RTL4: variants seen among roughly 807,000 people sequenced by gnomAD.
RTL4 encodes the protein retrotransposon Gag like 4.
A neutral mutation model predicts 5.3 loss-of-function variants in RTL4; 4 were observed. That is an observed-to-expected ratio of 0.75 (90% CI 0.37 to 1.72). RTL4 has a LOEUF of 1.72. Among genes scored for constraint, RTL4 ranks in the 40% most tolerant of loss-of-function variants. The pLI, the probability that RTL4 is intolerant of heterozygous loss-of-function variation, is 0.04. For synonymous variants in RTL4, 98 were observed against 87.3 expected (o/e 1.12, Z -0.68); for missense variants, 260 against 227.1 (o/e 1.14, Z -0.93).
At chrX:112,169,935 A>T in the RTL4 span, among the ~76,000 whole-genome samples, 14 of 112,099 alleles carry the variant, frequency 1.2e-4, no homozygotes, top group South Asian at 3.7e-4. Flanking sequence ...TGCATTAGGT[A>T]CTTTAAGAAA....
the RTL4 span, among the ~76,000 whole-genome samples, chrX:112,436,360 C>T: frequency 9.0e-6 from 1 of 110,617 alleles, no homozygotes; most frequent in Admixed American, 9.6e-5. Flanking sequence ...AAGGCATAGA[C>T]ACTTGGGGAA....
chrX:112,308,579 T>A, the RTL4 span, among the ~76,000 whole-genome samples: 1 of 111,716 alleles, frequency 9.0e-6, no homozygotes, highest in Non-Finnish European at 1.9e-5. Context: ...CCTTTCCTTT[T>A]TTTCTGGATA....
At chrX:112,445,182 T>TGAA in the RTL4 span, among the ~76,000 whole-genome samples, 57,472 of 109,500 alleles carry the variant, frequency 0.52, 12,210 homozygotes, top group African/African-American at 0.79. Context: ...GTGACGGGTG[T>TGAA]GAAGGGAGCT....
chrX:112,117,712 G>T, the RTL4 span, among the ~76,000 whole-genome samples: 1 of 111,657 alleles, frequency 9.0e-6, no homozygotes, highest in Non-Finnish European at 1.9e-5. Flanking sequence ...AAATGGGCAC[G>T]TGTACAATTA....
chrX:112,322,790 A>G, the RTL4 span, among the ~76,000 whole-genome samples: 4 of 111,759 alleles, frequency 3.6e-5, no homozygotes, highest in African/African-American at 1.3e-4. Flanking sequence ...GGGTTGTACT[A>G]TGCATACTTT....
the RTL4 span, among the ~76,000 whole-genome samples, chrX:112,326,036 A>T: frequency 1.8e-5 from 2 of 112,371 alleles, no homozygotes; most frequent in Admixed American, 1.9e-4. Flanking sequence ...GCCAACAGAC[A>T]CATGAAAAAA....
At chrX:112,311,006 C>G in the RTL4 span, among the ~76,000 whole-genome samples, 1 of 105,382 alleles carries the variant, frequency 9.5e-6, no homozygotes, top group South Asian at 4.0e-4. Flanking sequence ...TTTTCATTCT[C>G]TTCTGCAAAG....
chrX:112,090,824 C>T, the RTL4 span, among the ~76,000 whole-genome samples: 1 of 110,912 alleles, frequency 9.0e-6, no homozygotes, highest in Non-Finnish European at 1.9e-5. Context: ...ACAAGAATTG[C>T]TGTTAATTAT....
the RTL4 span, among the ~76,000 whole-genome samples, chrX:112,190,059 A>G: frequency 8.9e-6 from 1 of 112,460 alleles, no homozygotes; most frequent in African/African-American, 3.2e-5. Flanking sequence ...CAGTAATGCG[A>G]TAATGCATCT....
At chrX:112,190,148 CTT>C in the RTL4 span, among the ~76,000 whole-genome samples, 1 of 57,705 alleles carries the variant, frequency 1.7e-5, no homozygotes, top group South Asian at 7.3e-4. Flanking sequence ...CCCTTTCTTT[CTT>C]TCTTTCTTTC....
chrX:112,180,435 AC>A, the RTL4 span, among the ~76,000 whole-genome samples: 118 of 111,994 alleles, frequency 1.1e-3, no homozygotes, highest in African/African-American at 3.7e-3. Context: ...CTGTGATACA[AC>A]CTTTTCTCTA....
the RTL4 span, among the ~76,000 whole-genome samples, chrX:112,099,936 A>G: frequency 8.9e-6 from 1 of 111,799 alleles, no homozygotes; most frequent in Non-Finnish European, 1.9e-5. Flanking sequence ...AGAGTGAGGC[A>G]GAAAGAAAAA....
At chrX:112,373,297 A>G in the RTL4 span, among the ~76,000 whole-genome samples, 1 of 111,307 alleles carries the variant, frequency 9.0e-6, no homozygotes, top group Non-Finnish European at 1.9e-5. Flanking sequence ...CAGTATCATC[A>G]TCTGCTGTTG....
At chrX:112,406,635 C>G in the RTL4 span, among the ~76,000 whole-genome samples, 2 of 110,927 alleles carry the variant, frequency 1.8e-5, no homozygotes, top group African/African-American at 3.3e-5. Flanking sequence ...AGCCAGAGAA[C>G]TGGGGGAAAT....
At chrX:112,212,932 T>A in the RTL4 span, among the ~76,000 whole-genome samples, 1 of 112,387 alleles carries the variant, frequency 8.9e-6, no homozygotes, top group South Asian at 3.7e-4. Context: ...AGAGGCTGAC[T>A]GCCACCCCCG....
chrX:112,326,429 TAC>T, the RTL4 span, among the ~76,000 whole-genome samples: 7 of 111,576 alleles, frequency 6.3e-5, no homozygotes, highest in African/African-American at 2.3e-4. Flanking sequence ...TCCACCCGAA[TAC>T]TGCGCTTTTC....
chrX:112,313,296 A>C, the RTL4 span, among the ~76,000 whole-genome samples: 1 of 111,465 alleles, frequency 9.0e-6, no homozygotes, highest in Non-Finnish European at 1.9e-5. Flanking sequence ...AAAACAAAAC[A>C]AAACAAAACC....
chrX:112,288,044 G>T, the RTL4 span, among the ~76,000 whole-genome samples: 5 of 111,685 alleles, frequency 4.5e-5, no homozygotes, highest in Admixed American at 9.5e-5. Context: ...CAAATGCTGT[G>T]CTTGATTCAG....
the RTL4 span, among the ~76,000 whole-genome samples, chrX:112,190,279 C>CT: frequency 4.9e-5 from 5 of 102,514 alleles, no homozygotes; most frequent in East Asian, 1.2e-3. Flanking sequence ...ATTTATTAAA[C>CT]TTTTTTTTTT....
Sources: allele counts gnomAD v4.1 joint callset (sites outside exome capture counted in the v4.1 genomes callset), GRCh38; gene constraint gnomAD v4.1.1; transcripts MANE v1.5; gene names NCBI Gene and HGNC (gene_info 2026-07-23, HGNC 2026-07-21).